ARHGAP15: variants seen among roughly 807,000 people sequenced by gnomAD.
ARHGAP15 encodes the protein rho GTPase-activating protein 15.
A neutral mutation model predicts 63.7 loss-of-function variants in ARHGAP15; 51 were observed. The ratio of observed to expected loss-of-function variants is 0.80; its 90% CI spans 0.64 to 1.01. ARHGAP15 has a LOEUF of 1.01. Ranked by LOEUF, ARHGAP15 falls within the 50% of genes least tolerant of loss-of-function variation. The probability of loss-of-function intolerance (pLI) is 0.00; values close to 1 mark genes in which losing one functional copy is unlikely to be tolerated. For synonymous variants in ARHGAP15, 191 were observed against 193.8 expected (o/e 0.99, Z 0.12); for missense variants, 560 against 564.6 (o/e 0.99, Z 0.08).
At chr2:143,228,737 T>C in intron 5 of ARHGAP15, 69 bp downstream of exon 5, 1 of 1,218,672 alleles carries the variant, frequency 8.2e-7, no homozygotes. Context: ...AGTTTGGTTT[T>C]ATCAGAAATC....
chr2:143,165,984 A>AAGAG (rs1170551619), intron 2 of ARHGAP15, among the ~76,000 whole-genome samples: 1 of 137,546 alleles, frequency 7.3e-6, no homozygotes. Context: ...GAAAGAAAGA[A>AAGAG]AGAAAGAAAG....
chr2:143,768,113 C>CAGAT lies in ARHGAP15; in HGVS notation c.1372_1375dup (p.Ala459AspfsTer3), dbSNP rs926403184. 1 of 1,613,706 alleles carries CAGAT rather than the reference C, an allele frequency of 6.2e-7. No individual in the cohort carries two copies. ...GGCGATCCACATGGTCTACCAGAACCAGATAGCTGAGCTCATGCTGAGTGA... is the reference window on the plus strand; with the variant it reads ...GGCGATCCACATGGTCTACCAGAACCAGATAGATAGCTGAGCTCATGCTGAGTGA... On this transcript the variant is annotated frameshift_variant, in exon 14 of 14. Transcript: ENST00000295095. LOFTEE classifies it high-confidence loss of function.
intron 9 of ARHGAP15, among the ~76,000 whole-genome samples, chr2:143,515,194 C>T (rs901601523): frequency 6.8e-6 from 1 of 147,120 alleles, no homozygotes; most frequent in Non-Finnish European, 1.5e-5. Context: ...TTAACCCCCC[C>T]ACCCTCCCTT....
chr2:143,329,642 G>T (rs1254866626), intron 6 of ARHGAP15, among the ~76,000 whole-genome samples: 1 of 152,146 alleles, frequency 6.6e-6, no homozygotes, highest in Admixed American at 6.5e-5. Flanking sequence ...GTTTTGAGCT[G>T]TTAAATTGGT....
chr2:143,360,868 T>G (rs947459898), intron 6 of ARHGAP15, among the ~76,000 whole-genome samples: 1 of 152,236 alleles, frequency 6.6e-6, no homozygotes. Flanking sequence ...AACATTTATA[T>G]GGGTTCTTAA....
intron 6 of ARHGAP15, among the ~76,000 whole-genome samples, chr2:143,411,610 C>A (rs928547943): frequency 6.6e-6 from 1 of 152,080 alleles, no homozygotes; most frequent in African/African-American, 2.4e-5. Context: ...GCATGGCACT[C>A]AGTAATAACT....
At chr2:143,707,460 C>T (rs1359748468) in intron 13 of ARHGAP15, among the ~76,000 whole-genome samples, 1 of 152,144 alleles carries the variant, frequency 6.6e-6, no homozygotes, top group Non-Finnish European at 1.5e-5. Context: ...AAGAAGATGA[C>T]GAGGTTGTAG....
At chr2:143,688,697 T>G (rs967667888) in intron 12 of ARHGAP15, among the ~76,000 whole-genome samples, 3 of 152,240 alleles carry the variant, frequency 2.0e-5, no homozygotes, top group African/African-American at 7.2e-5. Flanking sequence ...CTTTGTTATT[T>G]TAACATGCAA....
At chr2:143,143,563 CTTTCTTTTTTTT>C (rs1689460181) in intron 1 of ARHGAP15, among the ~76,000 whole-genome samples, 1 of 114,388 alleles carries the variant, frequency 8.7e-6, no homozygotes, top group Non-Finnish European at 1.8e-5. Context: ...GAGCTATTTT[CTTTCTTTTTTTT>C]TTTTTTGTCC....
intron 5 of ARHGAP15, among the ~76,000 whole-genome samples, chr2:143,231,932 C>T (rs1454507876): frequency 1.3e-5 from 2 of 152,194 alleles, no homozygotes; most frequent in Non-Finnish European, 2.9e-5. Flanking sequence ...GAGGGCTCCA[C>T]CTTTATGATC....
intron 12 of ARHGAP15, among the ~76,000 whole-genome samples, chr2:143,673,830 A>G (rs1323803533): frequency 1.4e-5 from 2 of 141,552 alleles, no homozygotes. Context: ...AACCCTATAC[A>G]AATGGGGAAA....
At chr2:143,750,254 A>G (rs1378546580) in intron 13 of ARHGAP15, among the ~76,000 whole-genome samples, 1 of 152,220 alleles carries the variant, frequency 6.6e-6, no homozygotes, top group Non-Finnish European at 1.5e-5. Flanking sequence ...AGCCTGGCCA[A>G]CATGGTGAAA....
At chr2:143,179,625 T>C (rs910107687) in intron 2 of ARHGAP15, among the ~76,000 whole-genome samples, 1 of 152,220 alleles carries the variant, frequency 6.6e-6, no homozygotes, top group Admixed American at 6.5e-5. Context: ...TGATGGCTCA[T>C]GTCTGTAATC....
At position 143,485,517 on chromosome 2, in the gene ARHGAP15, T is replaced by C. The variant is rs561977053; in HGVS notation, c.704-1856T>C. On this transcript the variant is annotated intron_variant, in intron 8 of 13. Coordinates refer to ENST00000295095, the MANE Select transcript of ARHGAP15 (RefSeq NM_018460.4). ...CTTTTACATTTTCTCAATGTATAGA[T>C]AGACCTTCCACCGATAAATGAGAAC... Among the ~76,000 whole-genome samples, 4 of 152,282 alleles carry C rather than the reference T, an allele frequency of 2.6e-5. No individual in the cohort carries two copies. In the South Asian group the frequency reaches 8.3e-4, roughly 32 times the overall value.
At chr2:143,269,680 T>A (rs1681171515) in intron 6 of ARHGAP15, among the ~76,000 whole-genome samples, 1 of 142,972 alleles carries the variant, frequency 7.0e-6, no homozygotes. Flanking sequence ...TATAAATGTG[T>A]TAGTTTTTTT....
At chr2:143,646,217 C>G (rs147964442) in intron 12 of ARHGAP15, among the ~76,000 whole-genome samples, 1 of 152,000 alleles carries the variant, frequency 6.6e-6, no homozygotes, top group African/African-American at 2.4e-5. Flanking sequence ...TCAGTGCATT[C>G]TTCTATTCTG....
At chr2:143,422,223 T>A (rs1688954585) in intron 6 of ARHGAP15, among the ~76,000 whole-genome samples, 1 of 152,028 alleles carries the variant, frequency 6.6e-6, no homozygotes, top group Non-Finnish European at 1.5e-5. Context: ...TAGAAAAATG[T>A]CCTCCTTAAT....
At chr2:143,608,512 G>C (rs1387348260) in intron 11 of ARHGAP15, 2 of 152,178 alleles carry the variant, frequency 1.3e-5, no homozygotes, top group South Asian at 2.1e-4. Flanking sequence ...AATAGTTAGT[G>C]TAAGATTAAC....
intron 6 of ARHGAP15, among the ~76,000 whole-genome samples, chr2:143,360,978 T>G (rs1038829614): frequency 1.3e-5 from 2 of 152,168 alleles, no homozygotes. Flanking sequence ...AATGTCTCTA[T>G]GTAGATCTCT....
Sources: allele counts gnomAD v4.1 joint callset (sites outside exome capture counted in the v4.1 genomes callset), GRCh38; gene constraint gnomAD v4.1.1; transcripts MANE v1.5; gene names NCBI Gene and HGNC (gene_info 2026-07-23, HGNC 2026-07-21).